PROCR: variants seen among roughly 807,000 people sequenced by gnomAD.
PROCR encodes protein C receptor.
In PROCR, 22 loss-of-function variants were observed where a neutral mutation model predicts 24.2. The ratio of observed to expected loss-of-function variants is 0.91; its 90% CI spans 0.65 to 1.30. PROCR has a LOEUF of 1.30. Among genes scored for constraint, PROCR ranks in the 50% most tolerant of loss-of-function variants. The pLI, the probability that PROCR is intolerant of heterozygous loss-of-function variation, is 0.00. For missense variants in PROCR, 288 were observed against 307.7 expected (o/e 0.94, Z 0.48); for synonymous variants, 137 against 139.2 (o/e 0.98, Z 0.11).
chr20:35,190,894 T>C (rs1380563658), intron 1 of PROCR, among the ~76,000 whole-genome samples: 1 of 152,180 alleles, frequency 6.6e-6, no homozygotes, highest in African/African-American at 2.4e-5. Context: ...AGAGTCTCGC[T>C]CCGTCGCCAG....
upstream of PROCR, chr20:35,171,979 A>G (rs1039044315): frequency 5.9e-6 from 4 of 675,498 alleles, no homozygotes; most frequent in Non-Finnish European, 1.1e-5. Flanking sequence ...GAGACACAGT[A>G]GAAATAACAC....
chr20:35,171,382 T>A (rs1189118184), upstream of PROCR, among the ~76,000 whole-genome samples: 1 of 152,208 alleles, frequency 6.6e-6, no homozygotes, highest in East Asian at 1.9e-4. Flanking sequence ...TTTCATTTTT[T>A]AAAAATGGTA....
chr20:35,180,860 TTTTTGTTTTG>T (rs768329592), downstream of PROCR, among the ~76,000 whole-genome samples: 135 of 144,600 alleles, frequency 9.3e-4, no homozygotes, highest in African/African-American at 3.3e-3. Context: ...TGTTTTTTGT[TTTTTGTTTTG>T]TTTTGTTTTG....
At chr20:35,185,030 C>CAAAAAAAAAA (rs55715132) in intron 1 of PROCR, among the ~76,000 whole-genome samples, 4 of 104,096 alleles carry the variant, frequency 3.8e-5, no homozygotes, top group Non-Finnish European at 7.8e-5. Flanking sequence ...ATCAGTAAGA[C>CAAAAAAAAAA]AAAAAAAAAA....
chr20:35,172,355 G>T, intron 1 of PROCR, 131 bp downstream of exon 1: 1 of 1,157,762 alleles, frequency 8.6e-7, no homozygotes. Flanking sequence ...CTCTCTACAG[G>T]GCAGGCAGAG....
chr20:35,213,771 C>T (rs1249660803), intron 1 of PROCR, among the ~76,000 whole-genome samples: 1 of 152,072 alleles, frequency 6.6e-6, no homozygotes, highest in African/African-American at 2.4e-5. Context: ...AAAAGGTATA[C>T]AGTGAGAAAA....
chr20:35,205,752 A>AATATATATAT (rs200029202), intron 1 of PROCR, among the ~76,000 whole-genome samples: 1,763 of 102,076 alleles, frequency 0.017, 45 homozygotes, highest in African/African-American at 0.03. Flanking sequence ...ACTCTGTCTA[A>AATATATATAT]ATATATATAT....
At chr20:35,196,337 A>G (rs1345289150) in intron 1 of PROCR, among the ~76,000 whole-genome samples, 1 of 152,136 alleles carries the variant, frequency 6.6e-6, no homozygotes, top group Non-Finnish European at 1.5e-5. Flanking sequence ...TGAAAACTTC[A>G]TAAATTTGGT....
At chr20:35,210,112 G>C (rs2060356186) in intron 1 of PROCR, among the ~76,000 whole-genome samples, 1 of 152,056 alleles carries the variant, frequency 6.6e-6, no homozygotes, top group African/African-American at 2.4e-5. Context: ...TGTAGTCCTA[G>C]CTATTTGGGA....
At chr20:35,206,690 A>T (rs2060344271) in intron 1 of PROCR, among the ~76,000 whole-genome samples, 1 of 152,138 alleles carries the variant, frequency 6.6e-6, no homozygotes, top group South Asian at 2.1e-4. Flanking sequence ...ATTGAAAAAA[A>T]TCCCTGACAA....
chr20:35,213,120 CAA>C (rs2060368238), intron 1 of PROCR, among the ~76,000 whole-genome samples: 1 of 152,122 alleles, frequency 6.6e-6, no homozygotes, highest in Non-Finnish European at 1.5e-5. Context: ...CACTTGAGGC[CAA>C]GAGTTCCAGA....
At chr20:35,191,580 A>G (rs1568596692) in intron 1 of PROCR, among the ~76,000 whole-genome samples, 1 of 152,192 alleles carries the variant, frequency 6.6e-6, no homozygotes, top group Non-Finnish European at 1.5e-5. Context: ...GGCCTCTGGA[A>G]TAAGATGACA....
At chr20:35,211,642 AAAAC>A (rs2082702418) in intron 1 of PROCR, among the ~76,000 whole-genome samples, 1 of 152,186 alleles carries the variant, frequency 6.6e-6, no homozygotes, top group Non-Finnish European at 1.5e-5. Flanking sequence ...AGTTACCCAA[AAAAC>A]AAACAAAGCA....
chr20:35,174,647 G>T, intron 1 of PROCR, 55 bp from the exon 2 acceptor site: 1 of 1,609,506 alleles, frequency 6.2e-7, no homozygotes, highest in Non-Finnish European at 8.5e-7. Context: ...ATTATCTTCC[G>T]CTGCCCGCCG....
At chr20:35,198,291 CA>C (rs200649686) in intron 1 of PROCR, among the ~76,000 whole-genome samples, 136 of 144,996 alleles carry the variant, frequency 9.4e-4, no homozygotes, top group African/African-American at 3.3e-3. Context: ...GACTCTGTCT[CA>C]AAAAAAAAAA....
At chr20:35,195,900 T>G (rs1435045594) in intron 1 of PROCR, among the ~76,000 whole-genome samples, 2 of 150,360 alleles carry the variant, frequency 1.3e-5, no homozygotes, top group Non-Finnish European at 3.0e-5. Context: ...TTAAAAATAG[T>G]CTGGGCACAG....
chr20:35,185,030 C>CAAAAA (rs55715132), intron 1 of PROCR, among the ~76,000 whole-genome samples: 23 of 104,066 alleles, frequency 2.2e-4, no homozygotes, highest in Admixed American at 6.5e-4. Flanking sequence ...ATCAGTAAGA[C>CAAAAA]AAAAAAAAAA....
At chr20:35,188,656 TG>T (rs1288596402) in intron 1 of PROCR, among the ~76,000 whole-genome samples, 5 of 152,208 alleles carry the variant, frequency 3.3e-5, no homozygotes, top group Non-Finnish European at 5.9e-5. Flanking sequence ...GAATGCTAAA[TG>T]GTCTGATGTG....
chr20:35,208,389 G>C (rs17092456), intron 1 of PROCR, among the ~76,000 whole-genome samples: 19,186 of 152,136 alleles, frequency 0.13, 1,375 homozygotes, highest in African/African-American at 0.18. Flanking sequence ...TAATCACATT[G>C]TCTCCTGTTT....
Sources: allele counts gnomAD v4.1 joint callset (sites outside exome capture counted in the v4.1 genomes callset), GRCh38; gene constraint gnomAD v4.1.1; transcripts MANE v1.5; gene names NCBI Gene and HGNC (gene_info 2026-07-23, HGNC 2026-07-21).